Variants in COG6 observed in about 807,000 individuals in gnomAD.
COG6 encodes conserved oligomeric Golgi complex subunit 6.
A neutral mutation model predicts 88.8 loss-of-function variants in COG6; 74 were observed. That is an observed-to-expected ratio of 0.83 (90% CI 0.69 to 1.01). The LOEUF is 1.01. Among genes scored for constraint, COG6 ranks in the 50% least tolerant of loss-of-function variants. COG6 has a pLI of 0.00. For synonymous variants in COG6, 286 were observed against 278.7 expected, an observed-to-expected ratio of 1.03 and a Z score of -0.26; for missense variants, 800 against 797.9, an observed-to-expected ratio of 1.00 and a Z score of -0.03.
chr13:39,775,219 A>G (rs1881429434), intron 18 of COG6, among the ~76,000 whole-genome samples: 2 of 152,244 alleles, frequency 1.3e-5, no homozygotes, highest in South Asian at 4.1e-4. Flanking sequence ...AACATAACCT[A>G]GTTTGTCTCA....
chr13:39,656,002 C>T (rs1874463440), intron 1 of COG6, 123 bp downstream of exon 1: 1 of 1,237,178 alleles, frequency 8.1e-7, no homozygotes, highest in Admixed American at 2.0e-5. Flanking sequence ...CCGCGAGTGA[C>T]CCCAGACCTG....
In COG6 at chr13:39,752,619, T is replaced by C; in HGVS notation, c.*1526T>C. On this transcript the variant is annotated 3_prime_UTR_variant, in exon 19 of 19. Transcript: ENST00000455146. ...TTACCTGGTTTTTTCAAATAAAATA[T>C]TAAAATATTTCTAGAGCAGCAATTA... is the stretch of plus-strand genomic sequence containing the variant. 7.9e-7 allele frequency: 1 copy of C among 1,262,566 alleles called. No homozygotes were observed. Among genetic ancestry groups the C allele is most frequent in the Non-Finnish European group, 1.0e-6 (1 of 975,552 alleles). The allele number at this position is 1,262,566 out of a possible 1,614,324, so 78.2% of individuals were successfully genotyped here.
chr13:39,685,268 T>C (rs1876569446), intron 8 of COG6, among the ~76,000 whole-genome samples: 1 of 152,320 alleles, frequency 6.6e-6, no homozygotes, highest in African/African-American at 2.4e-5. Context: ...TTTTTGATTA[T>C]TGTTGGAAGA....
intron 13 of COG6, among the ~76,000 whole-genome samples, chr13:39,714,709 G>T (rs901412949): frequency 1.3e-5 from 2 of 152,120 alleles, no homozygotes; most frequent in Non-Finnish European, 2.9e-5. Flanking sequence ...AAAACAGTAG[G>T]AAGATTTCTT....
intron 4 of COG6, among the ~76,000 whole-genome samples, chr13:39,674,782 T>C (rs1875860186): frequency 6.6e-6 from 1 of 152,154 alleles, no homozygotes; most frequent in Non-Finnish European, 1.5e-5. Flanking sequence ...TTCTAATGTG[T>C]GATGCTATAT....
chr13:39,686,042 C>T (rs560021191), intron 8 of COG6, among the ~76,000 whole-genome samples: 3 of 152,204 alleles, frequency 2.0e-5, no homozygotes, highest in Admixed American at 1.3e-4. Context: ...GGAAATAAAC[C>T]GTCTTTCACA....
chr13:39,703,634 C>G (rs1877711610), intron 13 of COG6, among the ~76,000 whole-genome samples: 1 of 151,912 alleles, frequency 6.6e-6, no homozygotes, highest in Non-Finnish European at 1.5e-5. Context: ...AGTATTCCCA[C>G]AAGAAAAAAC....
intron 7 of COG6, among the ~76,000 whole-genome samples, chr13:39,680,693 G>A (rs1405006771): frequency 6.6e-6 from 1 of 152,156 alleles, no homozygotes; most frequent in Non-Finnish European, 1.5e-5. Context: ...TGTCACTGAG[G>A]GTTTTTCCCA....
chr13:39,686,367 G>A (rs1483179773), intron 8 of COG6, among the ~76,000 whole-genome samples: 1 of 152,174 alleles, frequency 6.6e-6, no homozygotes, highest in Non-Finnish European at 1.5e-5. Flanking sequence ...GCTGAGTCAA[G>A]TCAAAGAAAT....
chr13:39,689,030 A>G (rs1291967538), intron 10 of COG6, among the ~76,000 whole-genome samples: 4 of 152,214 alleles, frequency 2.6e-5, no homozygotes, highest in African/African-American at 9.6e-5. Context: ...CTCAGCATAT[A>G]TGTTAGATTG....
At chr13:39,713,055 C>T (rs372721932) in intron 13 of COG6, among the ~76,000 whole-genome samples, 20 of 152,268 alleles carry the variant, frequency 1.3e-4, no homozygotes, top group African/African-American at 4.1e-4. Context: ...TAGCTCAAGT[C>T]CTGGCATAAG....
Position 39,737,522 on chromosome 13 carries a change from G to T in COG6, c.1826+9974G>T, listed in dbSNP as rs939762264. On this transcript the variant is annotated intron_variant, in intron 18 of 18. Coordinates refer to ENST00000455146, the MANE Select transcript of COG6 (RefSeq NM_020751.3). ...TGTTCTGTTCTGAGGTGGCTGAGCT[G>T]GCATCCAAGATACAGAACAAAGTCC... Among the ~76,000 whole-genome samples the T allele has an allele frequency of 2.0e-5, 3 of 149,354 alleles. No individual in the cohort carries two copies. In the South Asian group the frequency reaches 6.5e-4, roughly 32 times the overall value.
At chr13:39,782,189 A>G (rs570387991) in intron 18 of COG6, among the ~76,000 whole-genome samples, 89 of 152,330 alleles carry the variant, frequency 5.8e-4, no homozygotes, top group Admixed American at 2.6e-3. Context: ...GCTCTTTTCA[A>G]GAGGCCAGAG....
chr13:39,719,099 A>C (rs749722228), intron 13 of COG6, 137 bp from the exon 14 acceptor site: 75 of 781,774 alleles, frequency 9.6e-5, no homozygotes, highest in Non-Finnish European at 1.1e-4. Context: ...AAAGTAAGCT[A>C]TTGATAAATT....
At chr13:39,769,128 A>G in intron 18 of COG6, among the ~76,000 whole-genome samples, 1 of 123,130 alleles carries the variant, frequency 8.1e-6, no homozygotes, top group Non-Finnish European at 1.7e-5. Context: ...TGTCAACAGA[A>G]TGTCTGGAGC....
intron 17 of COG6, among the ~76,000 whole-genome samples, chr13:39,726,191 T>C (rs9603603): frequency 6.6e-6 from 1 of 151,710 alleles, no homozygotes. Context: ...AAACTAACTC[T>C]GCACATTCCA....
At chr13:39,679,501 G>C (rs1304175431) in intron 5 of COG6, 37 bp from the exon 6 acceptor site, 1 of 1,186,976 alleles carries the variant, frequency 8.4e-7, no homozygotes, top group African/African-American at 1.5e-5. Flanking sequence ...AATTTTGCCT[G>C]AAGCATGGAC....
At chr13:39,773,748 T>C (rs931711212) in intron 18 of COG6, among the ~76,000 whole-genome samples, 8 of 152,230 alleles carry the variant, frequency 5.3e-5, no homozygotes, top group African/African-American at 1.9e-4. Context: ...AGCTACTTAT[T>C]GCTTAAAAGT....
chr13:39,788,588 A>G, exon 19 of COG6: 1 of 552,324 alleles, frequency 1.8e-6, no homozygotes, highest in Non-Finnish European at 3.2e-6. Context: ...ATACGCACAC[A>G]CACAGCATGT....
Sources: allele counts gnomAD v4.1 joint callset (sites outside exome capture counted in the v4.1 genomes callset), GRCh38; gene constraint gnomAD v4.1.1; transcripts MANE v1.5; gene names NCBI Gene and HGNC (gene_info 2026-07-23, HGNC 2026-07-21).